LTBP1: variants seen among roughly 807,000 people sequenced by gnomAD.
LTBP1 encodes the protein latent transforming growth factor beta binding protein 1.
A neutral mutation model predicts 207.6 loss-of-function variants in LTBP1; 129 were observed. The ratio of observed to expected loss-of-function variants is 0.62; its 90% CI spans 0.54 to 0.72. The LOEUF (loss-of-function observed/expected upper bound fraction) is 0.72. LTBP1 is among the 30% of genes least tolerant of loss of function. The pLI is 0.00. For synonymous variants in LTBP1, 963 were observed against 833.7 expected, an observed-to-expected ratio of 1.16 and a Z score of -2.67; for missense variants, 2,281 against 2,217.2, an observed-to-expected ratio of 1.03 and a Z score of -0.58.
intron 7 of LTBP1, among the ~76,000 whole-genome samples, chr2:33,203,830 A>C (rs1421416343): frequency 6.6e-6 from 1 of 152,210 alleles, no homozygotes; most frequent in Non-Finnish European, 1.5e-5. Flanking sequence ...TGATATTGGC[A>C]AAGTGGTAAG....
In LTBP1 at chr2:33,134,707, T is replaced by C. The variant is rs1386204023; in HGVS notation, c.1034-86T>C. On this transcript the variant is annotated intron_variant, in intron 4 of 33. Transcript: ENST00000404816. This position sits in a 1 kb window ranked among gnomAD's most constrained non-coding sequence, Gnocchi z 4.4. ...CTCTTGCTCCTTTCTTTTCTTTTTT[T>C]CTGTTTTTTTAAACCTTCCAAGGCA... 17 of 1,607,906 alleles carry C rather than the reference T, an allele frequency of 1.1e-5. No individual in the cohort carries two copies. Among genetic ancestry groups the C allele is most frequent in the Non-Finnish European group, 1.4e-5 (17 of 1,178,164 alleles).
intron 2 of LTBP1, among the ~76,000 whole-genome samples, chr2:32,989,750 T>C (rs1684123994): frequency 1.3e-5 from 2 of 152,318 alleles, no homozygotes; most frequent in African/African-American, 2.4e-5. Flanking sequence ...AATAGTGTAA[T>C]GGTCAAGGGA....
chr2:33,299,234 C>G (rs1164121330), intron 20 of LTBP1, among the ~76,000 whole-genome samples: 3 of 144,516 alleles, frequency 2.1e-5, no homozygotes, highest in African/African-American at 7.8e-5. Context: ...GAGCGAGACT[C>G]TGTCTCAAAA....
At chr2:33,193,033 G>A (rs909988789) in intron 7 of LTBP1, among the ~76,000 whole-genome samples, 3 of 152,128 alleles carry the variant, frequency 2.0e-5, no homozygotes, top group East Asian at 3.9e-4. Context: ...ATGAACTTTG[G>A]GGGACACATT....
chr2:33,200,444 T>A (rs915596219), intron 7 of LTBP1, among the ~76,000 whole-genome samples: 1 of 152,212 alleles, frequency 6.6e-6, no homozygotes, highest in Non-Finnish European at 1.5e-5. Context: ...TGAAACTGGA[T>A]CTCTTCTTTA....
chr2:33,152,383 C>T (rs1413318205), intron 5 of LTBP1, among the ~76,000 whole-genome samples: 7 of 152,090 alleles, frequency 4.6e-5, no homozygotes, highest in Non-Finnish European at 1.0e-4. Flanking sequence ...CTCACGCCTG[C>T]AAGAATGACC....
At chr2:33,109,083 T>C (rs1572673162) in intron 3 of LTBP1, among the ~76,000 whole-genome samples, 2 of 152,254 alleles carry the variant, frequency 1.3e-5, no homozygotes, top group Non-Finnish European at 2.9e-5. Flanking sequence ...GATTACTGAC[T>C]AAGAGGGAAG....
intron 20 of LTBP1, among the ~76,000 whole-genome samples, chr2:33,298,396 ATC>A (rs1223031249): frequency 1.2e-4 from 19 of 152,332 alleles, no homozygotes; most frequent in Admixed American, 1.2e-3. Context: ...TGGAGGGTCT[ATC>A]TCTGTTGCAG....
intron 7 of LTBP1, among the ~76,000 whole-genome samples, chr2:33,215,914 C>T (rs2090661356): frequency 6.6e-6 from 1 of 151,876 alleles, no homozygotes; most frequent in Admixed American, 6.6e-5. Flanking sequence ...AGGGTTTCAC[C>T]ATGTTGGCCA....
intron 15 of LTBP1, among the ~76,000 whole-genome samples, chr2:33,271,422 G>T (rs1206318581): frequency 6.6e-6 from 1 of 152,002 alleles, no homozygotes; most frequent in African/African-American, 2.4e-5. Context: ...CCAGTAACTT[G>T]CAAAGGAAGC....
chr2:33,060,396 T>C (rs1221867680), intron 3 of LTBP1, among the ~76,000 whole-genome samples: 2 of 152,050 alleles, frequency 1.3e-5, no homozygotes, highest in Non-Finnish European at 2.9e-5. Flanking sequence ...TCAAGGTAAG[T>C]TTCTTTTGAT....
chr2:33,041,967 G>A (rs142321391), intron 3 of LTBP1, among the ~76,000 whole-genome samples: 64 of 152,236 alleles, frequency 4.2e-4, no homozygotes, highest in African/African-American at 1.3e-3. Context: ...CTTACCAGCC[G>A]TGTATGAAAG....
rs1479533675 is a variant in LTBP1, at chr2:33,252,686, C to T, written c.2009C>T (p.Pro670Leu). 1 of 1,611,862 alleles carries T rather than the reference C, an allele frequency of 6.2e-7. No homozygotes were observed. Residue 670 changes from proline (P) to leucine (L), a missense_variant, in exon 11 of 34, where the codon CCT becomes CTT. By Grantham distance (98) the Pro-to-Leu change is moderately conservative. Around this residue, in one of 3 missense-constraint regions of LTBP1, gnomAD observed 1,671 missense variants for 1,634.8 expected, o/e 1.02. Coordinates refer to ENST00000404816, the MANE Select transcript of LTBP1 (RefSeq NM_206943.4). ...TATCTCTCTGCTTCAGCTGATCCCCCTGTGATCTCGGAAGAGAAAGGGCCC... is the reference window on the plus strand; with the variant it reads ...TATCTCTCTGCTTCAGCTGATCCCCTTGTGATCTCGGAAGAGAAAGGGCCC... ...PTFSSCVPDPPVISEEKGPCY... is the reference protein window; with the variant it reads ...PTFSSCVPDPLVISEEKGPCY...
At position 32,947,816 on chromosome 2, in the gene LTBP1, G is replaced by T; in HGVS notation, c.492G>T (p.Gln164His). ...AGGTTCACCAGAAGCAGCAGCTGCA[G>T]GGGTAAGCCCACACCCCCTTCCGCC... ...RLQVHQKQQL[Q>H]GVNVCGGRCC... The change falls in exon 1 of 34, where the codon CAG becomes CAT. Residue 164 changes from glutamine to histidine, a missense_variant and splice_region_variant. Around this residue, in one of 3 missense-constraint regions of LTBP1, gnomAD observed 555 missense variants for 491.0 expected, o/e 1.13. Transcript: ENST00000404816. 2.1e-6 allele frequency: 3 copies of T among 1,422,430 alleles called. No homozygotes were observed. Among genetic ancestry groups the T allele is most frequent in the East Asian group, 2.9e-5 (1 of 34,286 alleles). The allele number at this position is 1,422,430 out of a possible 1,614,324, so 88.1% of individuals were successfully genotyped here. A position where few individuals can be genotyped will look rare whatever the true frequency, so the allele number is the denominator to read the frequency against.
chr2:33,268,831 A>G lies in LTBP1; in HGVS notation c.2618-4825A>G, dbSNP rs17012711. ...TGATGCCTTCCTCTGGCTCTTCCCA[A>G]GCTTTCTCCATGGCTCTTGCAGACT... On this transcript the variant is annotated intron_variant, in intron 15 of 33. Coordinates refer to ENST00000404816, the MANE Select transcript of LTBP1 (RefSeq NM_206943.4). 6.0e-3 allele frequency among the ~76,000 whole-genome samples: 913 copies of G among 152,340 alleles called. 7 individuals carry two copies. The highest frequency in any genetic ancestry group is 0.021 in the African/African-American group (881 of 41,576).
chr2:33,273,853 AC>A lies in LTBP1; in HGVS notation c.2743+74del, dbSNP rs1388214561. 5.2e-6 allele frequency: 7 copies of A among 1,345,546 alleles called. No individual in the cohort carries two copies. In the East Asian group the frequency reaches 1.9e-4, roughly 37 times the overall value. The allele number at this position is 1,345,546 out of a possible 1,614,324, so 83.4% of individuals were successfully genotyped here. ...AACATTAAGAACATTTTTTTCTTAA[AC>A]CAACTTAACCATTTTGGGAAAGTGT... On this transcript the variant is annotated intron_variant, in intron 16 of 33. Coordinates refer to ENST00000404816, the MANE Select transcript of LTBP1 (RefSeq NM_206943.4).
At chr2:33,247,343 G>T (rs1181407494) in intron 10 of LTBP1, among the ~76,000 whole-genome samples, 1 of 152,176 alleles carries the variant, frequency 6.6e-6, no homozygotes, top group Non-Finnish European at 1.5e-5. Flanking sequence ...CTAAAGCTAG[G>T]AAAGTTTAAG....
intron 2 of LTBP1, among the ~76,000 whole-genome samples, chr2:33,018,697 C>A (rs1298422064): frequency 1.3e-5 from 2 of 152,178 alleles, no homozygotes; most frequent in African/African-American, 4.8e-5. Context: ...AAACACAGAG[C>A]TTTTGAACTA....
At chr2:33,389,106 G>T (rs551508029) in intron 31 of LTBP1, 78 bp from the exon 32 acceptor site, 2 of 1,594,284 alleles carry the variant, frequency 1.3e-6, no homozygotes, top group African/African-American at 2.7e-5. Context: ...GCAGATTCCC[G>T]TTGCTCTGAG....
Sources: gnomAD v4.1 joint callset for allele counts (sites outside exome capture counted in the v4.1 genomes callset) on GRCh38, gnomAD v4.1.1 for gene constraint, gnomAD v4.1.1 regional missense constraint, Gnocchi (gnomAD v3.1) non-coding constraint, MANE v1.5 for transcripts, NCBI Gene and HGNC (gene_info 2026-07-23, HGNC 2026-07-21) for gene names.